ISYNA1: variants seen among roughly 807,000 people sequenced by gnomAD.
The protein encoded by ISYNA1 is inositol-3-phosphate synthase 1, also known as MI-1-P synthase.
In ISYNA1, 34 loss-of-function variants were observed where a neutral mutation model predicts 50.3. The ratio of observed to expected loss-of-function variants is 0.68; its 90% CI spans 0.51 to 0.90. The LOEUF (loss-of-function observed/expected upper bound fraction) is 0.90. Ranked by LOEUF, ISYNA1 falls within the 40% of genes least tolerant of loss-of-function variation. The probability of loss-of-function intolerance (pLI) is 0.00; values close to 1 mark genes in which losing one functional copy is unlikely to be tolerated. For synonymous variants in ISYNA1, 396 were observed against 349.9 expected (o/e 1.13, Z -1.47); for missense variants, 718 against 784.8 (o/e 0.91, Z 1.02).
Position 18,434,903 on chromosome 19 carries a change from G to T in ISYNA1, c.*10C>A. 6.2e-7 allele frequency: 1 copy of T among 1,610,154 alleles called. No homozygotes were observed. The highest frequency in any genetic ancestry group is 1.1e-5 in the South Asian group (1 of 90,940). On this transcript the variant is annotated 3_prime_UTR_variant, in exon 11 of 11. Transcript: ENST00000338128. ...GGGAGGAAGAGCCGAGAAACTGTGT[G>T]ACCGGGGCCTCAGGTGGTGGGCATT...
rs1044162620 is a variant in ISYNA1 at position 18,434,610 on chromosome 19, C to T, written c.*303G>A. 3.5e-5 allele frequency: 19 copies of T among 543,708 alleles called. No homozygotes were observed. Among genetic ancestry groups the T allele is most frequent in the South Asian group, 4.7e-5 (2 of 42,888 alleles). 33.7% of individuals were successfully genotyped at this position (543,708 alleles called of 1,614,324 possible). A position where few individuals can be genotyped will look rare whatever the true frequency, so the allele number is the denominator to read the frequency against. Reference sequence around the variant, plus strand: ...GGCCTTCTGCCACCACACTCTCCACCCTGTGGTCTTGTTCCGTCCCCGCCC... The same window carrying T: ...GGCCTTCTGCCACCACACTCTCCACTCTGTGGTCTTGTTCCGTCCCCGCCC... On this transcript the variant is annotated 3_prime_UTR_variant, in exon 11 of 11. Coordinates refer to ENST00000338128, the MANE Select transcript of ISYNA1 (RefSeq NM_016368.5).
chr19:18,437,894 G>A lies in ISYNA1; in HGVS notation c.86C>T (p.Thr29Met). ...GCCACCCTCGCGGCTGACGCGCGTCGTCCGGTACTCGTATTGCGCCTCGAT... is the reference window on the plus strand; with the variant it reads ...GCCACCCTCGCGGCTGACGCGCGTCATCCGGTACTCGTATTGCGCCTCGAT... ...EAIEAQYEYR[T>M]TRVSREGGVL... The change falls in exon 2 of 11, where the codon ACG (threonine) becomes ATG (methionine). Residue 29 changes from threonine to methionine, a missense_variant. Coordinates refer to ENST00000338128, the MANE Select transcript of ISYNA1 (RefSeq NM_016368.5). The A allele has an allele frequency of 6.2e-7, 1 of 1,612,006 alleles. No homozygotes were observed. Among genetic ancestry groups the A allele is most frequent in the Non-Finnish European group, 8.5e-7 (1 of 1,179,758 alleles).
rs1437347187 is a variant in ISYNA1 at position 18,434,764 on chromosome 19, A to G, written c.*149T>C. 1.5e-6 allele frequency: 1 copy of G among 659,822 alleles called. No homozygotes were observed. The highest frequency in any genetic ancestry group is 1.8e-5 in the South Asian group (1 of 55,824). The allele number at this position is 659,822 out of a possible 1,614,324, so 40.9% of individuals were successfully genotyped here. On this transcript the variant is annotated 3_prime_UTR_variant, in exon 11 of 11. Coordinates refer to ENST00000338128, the MANE Select transcript of ISYNA1 (RefSeq NM_016368.5). ...AAGCTGGGCGCTCAAGAGTCGGGGA[A>G]GTAGAGGGAGGCAGAGTCAGGTCAC...
Position 18,437,024 on chromosome 19 carries a change from G to T in ISYNA1, c.364C>A (p.Pro122Thr). The stretch of plus-strand genomic sequence containing the variant: ...ACCATGGGCAGCACCGCGCTGAAGG[G>T]TACGAACACCTCCTGGCCCTCGGCG... ...LDAEGQEVFV[P>T]FSAVLPMVAP... is the part of the protein sequence containing the mutation. The change falls in exon 4 of 11, where the codon CCC becomes ACC. Residue 122 changes from proline (P) to threonine (T), a missense_variant. This residue lies in a region of ISYNA1 where 403 missense variants were observed against 466.6 expected (regional missense o/e 0.86). Transcript: ENST00000338128. 11 of 1,611,136 alleles carry T rather than the reference G, an allele frequency of 6.8e-6. No homozygotes were observed. Among genetic ancestry groups the T allele is most frequent in the Non-Finnish European group, 9.3e-6 (11 of 1,179,622 alleles).
intron 5 of ISYNA1, 39 bp from the exon 6 acceptor site, chr19:18,436,518 G>T (rs769874326): frequency 1.2e-6 from 2 of 1,601,490 alleles, no homozygotes; most frequent in South Asian, 2.2e-5. Flanking sequence ...AGGATGGAGA[G>T]GGTGTAGGGA....
intron 3 of ISYNA1, 128 bp downstream of exon 3, chr19:18,437,471 C>G: frequency 2.3e-6 from 2 of 871,858 alleles, no homozygotes; most frequent in Non-Finnish European, 3.1e-6. Context: ...TGCAGCCCCT[C>G]GCCCCGCGGA....
rs1259489431 is a variant in ISYNA1 at position 18,437,758 on chromosome 19, C to T, written c.123G>A (p.Val41=). The change falls in exon 3 of 11, where the codon GTG becomes GTA. Residue 41 remains valine, a splice_region_variant and synonymous_variant. Transcript: ENST00000338128. ...AGGTGAAGCGCGTGGACGTGGGGTG[C>T]ACCTGAAGACAGGCCGCGCAGTGAA... The part of the protein sequence containing the change: ...RVSREGGVLK[V]HPTSTRFTFR... 7 of 1,579,484 alleles carry T rather than the reference C, an allele frequency of 4.4e-6. No homozygotes were observed. In the South Asian group the frequency reaches 6.9e-5, roughly 15 times the overall value.
intron 3 of ISYNA1, 168 bp from the exon 4 acceptor site, chr19:18,437,273 C>A: frequency 7.0e-7 from 1 of 1,425,548 alleles, no homozygotes; most frequent in Non-Finnish European, 9.1e-7. Flanking sequence ...TCCCCTGAGA[C>A]CTCCGGCACC....
chr19:18,435,170 G>A, intron 10 of ISYNA1, 53 bp from the exon 11 acceptor site: 3 of 1,600,992 alleles, frequency 1.9e-6, no homozygotes, highest in Non-Finnish European at 1.7e-6. Context: ...GAGAAAGGGG[G>A]GGTATCCCTG....
At chr19:18,435,722 G>A (rs752350505) in intron 8 of ISYNA1, 35 bp downstream of exon 8, 6 of 1,609,974 alleles carry the variant, frequency 3.7e-6, no homozygotes, top group South Asian at 3.3e-5. Context: ...ACCCCTCGCC[G>A]GGCAACCCCG....
Position 18,435,127 on chromosome 19 carries a change from TCA to T in ISYNA1, c.1473-12_1473-11del, listed in dbSNP as rs769937567. The T allele has an allele frequency of 3.1e-6, 5 of 1,611,258 alleles. No individual in the cohort carries two copies. In the East Asian group the frequency reaches 8.9e-5, roughly 29 times the overall value. On this transcript the variant is annotated splice_polypyrimidine_tract_variant and intron_variant, in intron 10 of 10. Transcript: ENST00000338128. ...GAGCCCCACGCAGGCCCTGGAGAGGTCACACAGCTTAGCAGAGCCAGACACCC... is the reference window on the plus strand; with the variant it reads ...GAGCCCCACGCAGGCCCTGGAGAGGTCACAGCTTAGCAGAGCCAGACACCC...
At chr19:18,436,605 C>A in intron 5 of ISYNA1, 79 bp downstream of exon 5, 1 of 1,600,042 alleles carries the variant, frequency 6.2e-7, no homozygotes, top group South Asian at 1.1e-5. Flanking sequence ...GGCCTGGATT[C>A]GCGGGGTGGG....
intron 3 of ISYNA1, 191 bp from the exon 4 acceptor site, chr19:18,437,296 C>T (rs1303931035): frequency 1.4e-6 from 2 of 1,422,500 alleles, no homozygotes; most frequent in African/African-American, 1.4e-5. Flanking sequence ...AAGCTCCGCC[C>T]CTGTAAGACT....
chr19:18,437,315 GT>G, intron 3 of ISYNA1: 1 of 1,414,194 alleles, frequency 7.1e-7, no homozygotes, highest in Non-Finnish European at 9.2e-7. Context: ...CTCCCGAGGA[GT>G]CCCCGCTACC....
chr19:18,437,014 G>A lies in ISYNA1; in HGVS notation c.374C>T (p.Ala125Val), dbSNP rs747706315. ...GTTGGGCGCCACCATGGGCAGCACC[G>A]CGCTGAAGGGTACGAACACCTCCTG... is the stretch of plus-strand genomic sequence containing the variant. ...EGQEVFVPFS[A>V]VLPMVAPNDL... The change falls in exon 4 of 11, where the codon GCG (alanine) becomes GTG (valine). Residue 125 changes from alanine (A) to valine (V), a missense_variant. By Grantham distance (64) the Ala-to-Val change is moderately conservative (BLOSUM62 0). Coordinates refer to ENST00000338128, the MANE Select transcript of ISYNA1 (RefSeq NM_016368.5). 4 of 1,488,848 alleles carry A rather than the reference G, an allele frequency of 2.7e-6. No individual in the cohort carries two copies. Among genetic ancestry groups the A allele is most frequent in the South Asian group, 1.1e-5 (1 of 89,144 alleles). The allele number at this position is 1,488,848 out of a possible 1,614,324, so 92.2% of individuals were successfully genotyped here.
chr19:18,436,098 G>C lies in ISYNA1; in HGVS notation c.909C>G (p.Asp303Glu), dbSNP rs1205066619. Residue 303 changes from aspartate (D) to glutamate (E), a missense_variant, in exon 7 of 11, where the codon GAC (aspartate) becomes GAG (glutamate). Around this residue, in one of 3 missense-constraint regions of ISYNA1, gnomAD observed 403 missense variants for 466.6 expected, o/e 0.86. Transcript: ENST00000338128. ...TGACTTTGGTCTGGCCTGACTTGAAGTCATCTCCGCCCACAAAAACCCGGT... is the reference window on the plus strand; with the variant it reads ...TGACTTTGGTCTGGCCTGACTTGAACTCATCTCCGCCCACAAAAACCCGGT... ...WQHRVFVGGD[D>E]FKSGQTKVKS... The C allele has an allele frequency of 3.7e-6, 6 of 1,613,120 alleles. No individual in the cohort carries two copies. Among genetic ancestry groups the C allele is most frequent in the Non-Finnish European group, 4.2e-6 (5 of 1,179,932 alleles).
In ISYNA1 at chr19:18,434,837, T is replaced by C; in HGVS notation, c.*76A>G. 7.9e-7 allele frequency: 1 copy of C among 1,271,270 alleles called. No individual in the cohort carries two copies. The highest frequency in any genetic ancestry group is 1.1e-6 in the Non-Finnish European group (1 of 878,796). The allele number at this position is 1,271,270 out of a possible 1,614,324, so 78.7% of individuals were successfully genotyped here. ...AAGGAGGGCTGAGTGGCAGCGCCTTTATTTGTGGGGGCCTTCAAGGTAGGG... is the reference window on the plus strand; with the variant it reads ...AAGGAGGGCTGAGTGGCAGCGCCTTCATTTGTGGGGGCCTTCAAGGTAGGG... On this transcript the variant is annotated 3_prime_UTR_variant, in exon 11 of 11. Transcript: ENST00000338128.
rs542513210 is a variant in ISYNA1, at chr19:18,437,709, G to A, written c.172C>T (p.Arg58Trp). The A allele has an allele frequency of 2.6e-6, 4 of 1,559,182 alleles. No individual in the cohort carries two copies. The South Asian group carries it at 3.5e-5, about 14-fold the overall frequency. ...CAGCCGACAAGCATGACCCCGAGCC[G>A]GGGCACCTGCCGGGCGGTCCGGAAG... ...FTFRTARQVP[R>W]LGVMLVGWGG... The change falls in exon 3 of 11, where the codon CGG becomes TGG. Residue 58 changes from arginine (R) to tryptophan (W), a missense_variant. Around this residue, in one of 3 missense-constraint regions of ISYNA1, gnomAD observed 403 missense variants for 466.6 expected, o/e 0.86. Transcript: ENST00000338128.
chr19:18,435,606 A>G lies in ISYNA1; in HGVS notation c.1211T>C (p.Met404Thr). ...CACCAGTGTGTTGGTTCCGCCCAGCATCAGCTCCGAGGTATACTCATCCAG... is the reference window on the plus strand; with the variant it reads ...CACCAGTGTGTTGGTTCCGCCCAGCGTCAGCTCCGAGGTATACTCATCCAG... Reference protein sequence around the residue: ...RALDEYTSELMLGGTNTLVLH... With the variant: ...RALDEYTSELTLGGTNTLVLH... Residue 404 changes from methionine to threonine, a missense_variant, in exon 9 of 11, where the codon ATG becomes ACG. Around this residue, in one of 3 missense-constraint regions of ISYNA1, gnomAD observed 305 missense variants for 292.6 expected, o/e 1.04. Transcript: ENST00000338128. The G allele has an allele frequency of 1.2e-6, 2 of 1,610,756 alleles. No individual in the cohort carries two copies. The highest frequency in any genetic ancestry group is 1.7e-6 in the Non-Finnish European group (2 of 1,178,798).
Sources: gnomAD v4.1 joint callset for allele counts on GRCh38, gnomAD v4.1.1 for gene constraint, gnomAD v4.1.1 regional missense constraint, MANE v1.5 for transcripts, NCBI Gene and HGNC (gene_info 2026-07-23, HGNC 2026-07-21) for gene names.